The following C1QTNF7 variants were observed in gnomAD, a reference collection of about 807,000 sequenced individuals.
C1QTNF7 encodes C1q and TNF related 7.
A neutral mutation model predicts 19.6 loss-of-function variants in C1QTNF7; 15 were observed. The observed-to-expected ratio is 0.76, with a 90% CI of 0.51 to 1.18. C1QTNF7 has a LOEUF of 1.18. Ranked by LOEUF, C1QTNF7 falls within the 50% of genes most tolerant of loss-of-function variation. The pLI, the probability that C1QTNF7 is intolerant of heterozygous loss-of-function variation, is 0.00. For missense variants in C1QTNF7, 324 were observed against 359.7 expected (o/e 0.90, Z 0.80); for synonymous variants, 142 against 137.5 (o/e 1.03, Z -0.23).
chr4:15,441,595 C>T (rs1189633703), intron 2 of C1QTNF7, among the ~76,000 whole-genome samples: 1 of 152,114 alleles, frequency 6.6e-6, no homozygotes, highest in Non-Finnish European at 1.5e-5. Flanking sequence ...GGCAAGTGAT[C>T]CATCATCAAA....
At chr4:15,373,005 G>C (rs1235177718) in intron 1 of C1QTNF7, among the ~76,000 whole-genome samples, 3 of 152,160 alleles carry the variant, frequency 2.0e-5, no homozygotes, top group Non-Finnish European at 4.4e-5. Context: ...CAGATGAAAT[G>C]GGCAATGGTA....
At chr4:15,420,383 AAC>A (rs890224736) in intron 1 of C1QTNF7, among the ~76,000 whole-genome samples, 2 of 152,216 alleles carry the variant, frequency 1.3e-5, no homozygotes, top group Non-Finnish European at 2.9e-5. Flanking sequence ...TTATCCTGAA[AAC>A]ACAGATCTAA....
At chr4:15,429,274 G>A (rs1001167286) in intron 1 of C1QTNF7, among the ~76,000 whole-genome samples, 12 of 151,974 alleles carry the variant, frequency 7.9e-5, no homozygotes, top group Admixed American at 4.6e-4. Context: ...TTATGTGTAC[G>A]GTTCTGCAGC....
At chr4:15,346,015 C>A (rs1716706073) in intron 1 of C1QTNF7, among the ~76,000 whole-genome samples, 1 of 152,180 alleles carries the variant, frequency 6.6e-6, no homozygotes, top group South Asian at 2.1e-4. Context: ...TTTCTATTTT[C>A]TGTTGCTAAA....
At chr4:15,360,390 G>A (rs965248076) in intron 1 of C1QTNF7, among the ~76,000 whole-genome samples, 1 of 152,102 alleles carries the variant, frequency 6.6e-6, no homozygotes, top group African/African-American at 2.4e-5. Context: ...ACATAACCTT[G>A]TTTTACGTAT....
intron 1 of C1QTNF7, among the ~76,000 whole-genome samples, chr4:15,434,985 C>G (rs1712469602): frequency 6.6e-6 from 1 of 152,130 alleles, no homozygotes; most frequent in Non-Finnish European, 1.5e-5. Context: ...AAGTGAAAAC[C>G]ATGGTTTTCC....
chr4:15,348,349 C>T (rs1208374475), intron 1 of C1QTNF7, among the ~76,000 whole-genome samples: 1 of 152,216 alleles, frequency 6.6e-6, no homozygotes, highest in Non-Finnish European at 1.5e-5. Flanking sequence ...CTGCCTCTCC[C>T]TGGCTTGCTT....
intron 2 of C1QTNF7, among the ~76,000 whole-genome samples, chr4:15,439,056 A>G (rs1190314829): frequency 1.3e-5 from 2 of 152,202 alleles, no homozygotes; most frequent in Admixed American, 1.3e-4. Context: ...TCTAGTTTCA[A>G]TACCTAAACA....
chr4:15,416,828 T>C (rs969879919), intron 1 of C1QTNF7, among the ~76,000 whole-genome samples: 3 of 152,222 alleles, frequency 2.0e-5, no homozygotes, highest in Non-Finnish European at 2.9e-5. Flanking sequence ...TCTCATGACC[T>C]TGAAGTCCTT....
intron 1 of C1QTNF7, among the ~76,000 whole-genome samples, chr4:15,390,689 G>A (rs530890832): frequency 4.5e-4 from 69 of 152,192 alleles, no homozygotes; most frequent in African/African-American, 1.5e-3. Flanking sequence ...TGGTCTCAGT[G>A]GAAAATAAAG....
chr4:15,412,157 A>G (rs1414019147), intron 1 of C1QTNF7, among the ~76,000 whole-genome samples: 1 of 152,182 alleles, frequency 6.6e-6, no homozygotes, highest in Non-Finnish European at 1.5e-5. Flanking sequence ...TGATCACCCC[A>G]GAGGGGATGG....
chr4:15,377,786 C>G (rs1217279142), intron 1 of C1QTNF7, among the ~76,000 whole-genome samples: 3 of 152,122 alleles, frequency 2.0e-5, no homozygotes, highest in Non-Finnish European at 4.4e-5. Context: ...TCTCCACTTT[C>G]TAACTGCAAG....
chr4:15,353,351 G>A (rs1239818314), intron 1 of C1QTNF7, among the ~76,000 whole-genome samples: 1 of 152,146 alleles, frequency 6.6e-6, no homozygotes, highest in East Asian at 1.9e-4. Context: ...TGTTTAGTTT[G>A]GACAGACAAA....
intron 1 of C1QTNF7, among the ~76,000 whole-genome samples, chr4:15,405,403 C>T (rs1006106232): frequency 6.6e-6 from 1 of 152,172 alleles, no homozygotes; most frequent in African/African-American, 2.4e-5. Context: ...ATCAGCAAGA[C>T]TCCTGTCAGA....
chr4:15,426,855 A>T (rs1410693713), upstream of C1QTNF7, among the ~76,000 whole-genome samples: 1 of 152,228 alleles, frequency 6.6e-6, no homozygotes, highest in African/African-American at 2.4e-5. Flanking sequence ...AGACACCATC[A>T]TTTGGTTCGA....
chr4:15,347,472 C>A (rs960770369), intron 1 of C1QTNF7, among the ~76,000 whole-genome samples: 1 of 152,192 alleles, frequency 6.6e-6, no homozygotes, highest in Non-Finnish European at 1.5e-5. Flanking sequence ...GGAGGACTTT[C>A]CCCAGATGCC....
chr4:15,355,888 C>T (rs1717128082), intron 1 of C1QTNF7, among the ~76,000 whole-genome samples: 2 of 152,104 alleles, frequency 1.3e-5, no homozygotes, highest in African/African-American at 2.4e-5. Flanking sequence ...GACAGGGTAC[C>T]ACTACGTTGT....
chr4:15,411,981 G>T (rs1180108630), intron 1 of C1QTNF7, among the ~76,000 whole-genome samples: 2 of 152,122 alleles, frequency 1.3e-5, no homozygotes, highest in Admixed American at 6.5e-5. Flanking sequence ...TGTATTTACA[G>T]CTGCTCCCCA....
At chr4:15,397,052 G>GA (rs5856298) in intron 1 of C1QTNF7, among the ~76,000 whole-genome samples, 106,817 of 152,028 alleles carry the variant, frequency 0.7, 37,618 homozygotes, top group South Asian at 0.74. Context: ...AGCAGGCAAA[G>GA]GAGAATGAGG....
Sources: gnomAD v4.1 joint callset for allele counts (sites outside exome capture counted in the v4.1 genomes callset) on GRCh38, gnomAD v4.1.1 for gene constraint, MANE v1.5 for transcripts, NCBI Gene and HGNC (gene_info 2026-07-23, HGNC 2026-07-21) for gene names.